Variants in ECT2L observed in about 807,000 individuals in gnomAD.
ECT2L encodes the protein epithelial cell transforming 2 like.
In ECT2L, 126 loss-of-function variants were observed where a neutral mutation model predicts 122.8. The observed-to-expected ratio is 1.03, with a 90% CI of 0.89 to 1.19. ECT2L has a LOEUF of 1.19. Among genes scored for constraint, ECT2L ranks in the 50% most tolerant of loss-of-function variants. The pLI, the probability that ECT2L is intolerant of heterozygous loss-of-function variation, is 0.00. For missense variants in ECT2L, 1,012 were observed against 1,064.1 expected (o/e 0.95, Z 0.68); for synonymous variants, 385 against 381.8 (o/e 1.01, Z -0.10).
At chr6:138,868,652 G>A (rs1225826716) in intron 13 of ECT2L, among the ~76,000 whole-genome samples, 1 of 152,086 alleles carries the variant, frequency 6.6e-6, no homozygotes, top group African/African-American at 2.4e-5. Context: ...AGAACACAAC[G>A]GAACGGAAAG....
rs1421976631 is a variant in ECT2L at position 138,865,051 on chromosome 6, C to G, written c.1347C>G (p.Phe449Leu). 6.2e-7 allele frequency: 1 copy of G among 1,614,086 alleles called. No homozygotes were observed. ...GAAAGGCCCCCTCTTCCATCTACTT[C>G]TGCGAATCGAAGCTACAGACGTGGT... ...QWGKAPSSIY[F>L]CESKLQTWSS... The change falls in exon 12 of 22, where the codon TTC (phenylalanine) becomes TTG (leucine). Residue 449 changes from phenylalanine to leucine, a missense_variant. Physicochemically the swap from Phe to Leu is conservative, Grantham distance 22 (BLOSUM62 0). Transcript: ENST00000541398.
intron 1 of ECT2L, among the ~76,000 whole-genome samples, chr6:138,811,096 G>A (rs1226175345): frequency 1.3e-5 from 2 of 152,212 alleles, no homozygotes; most frequent in African/African-American, 4.8e-5. Context: ...AAAGTGATAG[G>A]ATGTCCCTTC....
intron 11 of ECT2L, among the ~76,000 whole-genome samples, 191 bp downstream of exon 11, chr6:138,862,910 G>T (rs1263682991): frequency 6.6e-6 from 1 of 152,138 alleles, no homozygotes; most frequent in Non-Finnish European, 1.5e-5. Flanking sequence ...CTTAGAACAG[G>T]ATTATTTATT....
At chr6:138,900,764 A>G (rs755480895) in intron 20 of ECT2L, among the ~76,000 whole-genome samples, 184 bp from the exon 21 acceptor site, 29 of 152,204 alleles carry the variant, frequency 1.9e-4, no homozygotes, top group Non-Finnish European at 4.1e-4. Context: ...ACCTGACCTC[A>G]GAGACACAGG....
chr6:138,809,336 G>A (rs1775815256), intron 1 of ECT2L, among the ~76,000 whole-genome samples: 1 of 152,204 alleles, frequency 6.6e-6, no homozygotes, highest in African/African-American at 2.4e-5. Context: ...CCGAGGCACA[G>A]TGGTGCATGC....
At chr6:138,829,234 T>C (rs1776567561) in intron 4 of ECT2L, among the ~76,000 whole-genome samples, 1 of 152,170 alleles carries the variant, frequency 6.6e-6, no homozygotes, top group Admixed American at 6.5e-5. Context: ...GCCTCAGACT[T>C]GGGATACCAT....
At chr6:138,808,727 TTC>T (rs1414600686) in intron 1 of ECT2L, among the ~76,000 whole-genome samples, 7 of 85,476 alleles carry the variant, frequency 8.2e-5, no homozygotes, top group African/African-American at 2.4e-4. Context: ...CCTTTCTCTT[TTC>T]TTTTTTTTTT....
chr6:138,868,023 ACTG>A, intron 12 of ECT2L, 77 bp from the exon 13 acceptor site: 1 of 941,672 alleles, frequency 1.1e-6, no homozygotes, highest in Non-Finnish European at 1.6e-6. Flanking sequence ...AAAAAAAGAA[ACTG>A]TGAGGACTGA....
At chr6:138,882,898 T>G (rs1417590971) in intron 16 of ECT2L, 27 bp downstream of exon 16, 2 of 1,610,828 alleles carry the variant, frequency 1.2e-6, no homozygotes, top group Non-Finnish European at 1.7e-6. Flanking sequence ...TCCATCATTC[T>G]ATAAGACCTG....
At chr6:138,896,145 G>C (rs1201236291) in intron 20 of ECT2L, among the ~76,000 whole-genome samples, 1 of 148,182 alleles carries the variant, frequency 6.7e-6, no homozygotes, top group Non-Finnish European at 1.5e-5. Context: ...TGGCCAGGCT[G>C]GTCTTGAATT....
At chr6:138,896,039 C>T (rs1054161788) in intron 20 of ECT2L, among the ~76,000 whole-genome samples, 1 of 148,522 alleles carries the variant, frequency 6.7e-6, no homozygotes, top group Non-Finnish European at 1.5e-5. Flanking sequence ...TATTTTGTAC[C>T]TTGGAACTTC....
At chr6:138,846,964 T>TAAAA (rs775229639) in intron 8 of ECT2L, among the ~76,000 whole-genome samples, 10 of 73,080 alleles carry the variant, frequency 1.4e-4, no homozygotes, top group African/African-American at 5.4e-4. Context: ...TCTGTTTCTA[T>TAAAA]AAAAAAAAAA....
chr6:138,849,162 A>C (rs1741703208), intron 8 of ECT2L, 107 bp from the exon 9 acceptor site: 7 of 1,145,452 alleles, frequency 6.1e-6, no homozygotes. Context: ...AATCTCTGAA[A>C]ATTCTTTAGA....
intron 1 of ECT2L, among the ~76,000 whole-genome samples, chr6:138,798,354 A>C (rs536064796): frequency 2.0e-5 from 3 of 152,294 alleles, no homozygotes; most frequent in African/African-American, 7.2e-5. Context: ...GAAGCTATCT[A>C]GGGGTCCACC....
intron 4 of ECT2L, among the ~76,000 whole-genome samples, chr6:138,829,068 G>A (rs1776560145): frequency 6.6e-6 from 1 of 150,394 alleles, no homozygotes; most frequent in African/African-American, 2.4e-5. Flanking sequence ...ATGTTGCCCA[G>A]CGTGGTCTCG....
At chr6:138,872,398 T>C (rs181303132) in intron 13 of ECT2L, among the ~76,000 whole-genome samples, 13 of 152,304 alleles carry the variant, frequency 8.5e-5, no homozygotes, top group Admixed American at 3.3e-4. Flanking sequence ...ATGAGGCTGA[T>C]ACACAAATAG....
rs115869956 is a variant in ECT2L at position 138,849,852 on chromosome 6, G to A, written c.1069+418G>A. Reference sequence around the variant, plus strand: ...TACAGGGGTGAGCCACCACACCCCAGCTGTGAAGCAATTTTTTTGATGACC... The same window carrying A: ...TACAGGGGTGAGCCACCACACCCCAACTGTGAAGCAATTTTTTTGATGACC... On this transcript the variant is annotated intron_variant, in intron 9 of 21. Coordinates refer to ENST00000541398, the MANE Select transcript of ECT2L (RefSeq NM_001077706.3). Among the ~76,000 whole-genome samples the A allele has an allele frequency of 8.7e-3, 1,317 of 152,118 alleles. 22 individuals carry two copies. Among genetic ancestry groups the A allele is most frequent in the African/African-American group, 0.03 (1,243 of 41,498 alleles).
At chr6:138,880,701 TAA>T (rs1367116106) in intron 14 of ECT2L, among the ~76,000 whole-genome samples, 1 of 152,092 alleles carries the variant, frequency 6.6e-6, no homozygotes, top group African/African-American at 2.4e-5. Context: ...TGGATAAAAA[TAA>T]GTTTCAAACT....
chr6:138,851,178 T>C (rs981511473), intron 9 of ECT2L, among the ~76,000 whole-genome samples: 1 of 151,614 alleles, frequency 6.6e-6, no homozygotes, highest in African/African-American at 2.4e-5. Context: ...TATCTGTGCT[T>C]TTTTTTTGTT....
Sources: allele counts gnomAD v4.1 joint callset (sites outside exome capture counted in the v4.1 genomes callset), GRCh38; gene constraint gnomAD v4.1.1; transcripts MANE v1.5; gene names NCBI Gene and HGNC (gene_info 2026-07-23, HGNC 2026-07-21).